The following ANO3 variants were observed in gnomAD, a reference collection of about 807,000 sequenced individuals.
ANO3 encodes the protein anoctamin-3.
ANO3 carries 99 observed loss-of-function variants against 144.8 expected under a neutral mutation model. The observed-to-expected ratio is 0.68, with a 90% CI of 0.58 to 0.81. The LOEUF (loss-of-function observed/expected upper bound fraction) is 0.81. ANO3 is among the 30% of genes least tolerant of loss of function. The pLI, the probability that ANO3 is intolerant of heterozygous loss-of-function variation, is 0.00. For synonymous variants in ANO3, 414 were observed against 392.6 expected (o/e 1.05, Z -0.64); for missense variants, 905 against 1,202.2 (o/e 0.75, Z 3.66).
chr11:26,190,054 G>A (rs1851445916), intron 1 of ANO3, among the ~76,000 whole-genome samples: 1 of 152,056 alleles, frequency 6.6e-6, no homozygotes, highest in African/African-American at 2.4e-5. Flanking sequence ...TTTGCCTGAT[G>A]GATATTTTAA....
At chr11:26,472,009 C>A (rs1361173422) in intron 4 of ANO3, among the ~76,000 whole-genome samples, 1 of 151,628 alleles carries the variant, frequency 6.6e-6, no homozygotes, top group African/African-American at 2.4e-5. Flanking sequence ...AACTTCTCTG[C>A]AAAAAAAGTA....
At chr11:26,643,407 G>T in intron 23 of ANO3, 73 bp downstream of exon 23, 2 of 1,553,298 alleles carry the variant, frequency 1.3e-6, no homozygotes, top group Non-Finnish European at 1.8e-6. Context: ...TGTGCCCCCA[G>T]ATTCATATGT....
chr11:26,405,774 G>A (rs1857261131), intron 1 of ANO3, among the ~76,000 whole-genome samples: 1 of 151,890 alleles, frequency 6.6e-6, no homozygotes, highest in Non-Finnish European at 1.5e-5. Context: ...ATGAGTGTGT[G>A]TATTACAAAT....
intron 4 of ANO3, chr11:26,473,975 A>G (rs1565046426): frequency 1.0e-6 from 1 of 985,080 alleles, no homozygotes; most frequent in Non-Finnish European, 1.2e-6. Context: ...TGTAGCACTC[A>G]GTATGTAACA....
chr11:26,512,270 C>G (rs1861694474), intron 5 of ANO3, among the ~76,000 whole-genome samples: 1 of 152,186 alleles, frequency 6.6e-6, no homozygotes, highest in African/African-American at 2.4e-5. Flanking sequence ...GTTTTCCCTT[C>G]TCTCAAGAGT....
At chr11:26,568,295 A>G (rs1316555438) in intron 14 of ANO3, among the ~76,000 whole-genome samples, 1 of 152,060 alleles carries the variant, frequency 6.6e-6, no homozygotes, top group African/African-American at 2.4e-5. Context: ...TAAGTGGGAC[A>G]TAAATAATGT....
At position 26,638,601 on chromosome 11, in the gene ANO3, G is replaced by A. The variant is rs150636411; in HGVS notation, c.2044-543G>A. On this transcript the variant is annotated intron_variant, in intron 20 of 26. Transcript: ENST00000256737. Reference sequence around the variant, plus strand: ...TGGTGAAATCCAAAGAGAGCTTTGCGTTTAGCTAATTGTAATCTACTAATA... The same window carrying A: ...TGGTGAAATCCAAAGAGAGCTTTGCATTTAGCTAATTGTAATCTACTAATA... Among the ~76,000 whole-genome samples the A allele has an allele frequency of 8.0e-4, 122 of 152,302 alleles. 1 individual carries two copies. The highest frequency in any genetic ancestry group is 2.5e-3 in the African/African-American group (103 of 41,568).
chr11:26,199,672 C>T (rs1003417069), intron 1 of ANO3, among the ~76,000 whole-genome samples: 3 of 152,154 alleles, frequency 2.0e-5, no homozygotes, highest in African/African-American at 7.2e-5. Context: ...ACTTAAGGGG[C>T]AAATGCCCAT....
chr11:26,413,691 TTTC>T (rs1857493071), intron 1 of ANO3, among the ~76,000 whole-genome samples: 1 of 152,040 alleles, frequency 6.6e-6, no homozygotes, highest in African/African-American at 2.4e-5. Context: ...ATCCTTGCGT[TTTC>T]TTATTTCTAA....
chr11:26,651,358 T>C lies in ANO3; in HGVS notation c.2576+3502T>C, dbSNP rs560762044. Among the ~76,000 whole-genome samples the C allele has an allele frequency of 5.9e-5, 9 of 152,230 alleles. No homozygotes were observed. In the South Asian group the frequency reaches 1.9e-3, roughly 32 times the overall value. ...GCTTTGACGGAATGTCAATGAAAAA[T>C]ATCCACAATTGTTTCAAATACTATT... is the stretch of plus-strand genomic sequence containing the variant. On this transcript the variant is annotated intron_variant, in intron 24 of 26. Coordinates refer to ENST00000256737, the MANE Select transcript of ANO3 (RefSeq NM_031418.4).
At chr11:26,276,360 T>G (rs1200172449) in intron 1 of ANO3, among the ~76,000 whole-genome samples, 1 of 152,134 alleles carries the variant, frequency 6.6e-6, no homozygotes, top group African/African-American at 2.4e-5. Flanking sequence ...CAGGTGAGTC[T>G]GAATCAGGGC....
intron 1 of ANO3, among the ~76,000 whole-genome samples, chr11:26,217,843 G>A (rs11603001): frequency 0.3 from 45,664 of 151,522 alleles, 7,553 homozygotes; most frequent in Non-Finnish European, 0.37. Context: ...TTGTTGTTGT[G>A]TTGTGTTTTT....
chr11:26,216,456 T>C (rs1173226964), intron 1 of ANO3, among the ~76,000 whole-genome samples: 1 of 152,010 alleles, frequency 6.6e-6, no homozygotes, highest in Admixed American at 6.6e-5. Flanking sequence ...TGATAGCTCA[T>C]TACATTTTAT....
intron 17 of ANO3, among the ~76,000 whole-genome samples, chr11:26,624,081 C>T (rs745572257): frequency 1.3e-5 from 2 of 152,158 alleles, no homozygotes; most frequent in Non-Finnish European, 2.9e-5. Flanking sequence ...CCACCGCGCC[C>T]GGCCAAAAAA....
intron 1 of ANO3, among the ~76,000 whole-genome samples, chr11:26,375,789 AT>A (rs1856389749): frequency 6.6e-6 from 1 of 152,176 alleles, no homozygotes; most frequent in Admixed American, 6.6e-5. Context: ...AGAAGTATAG[AT>A]TATTTTTGGC....
chr11:26,629,422 T>TAC (rs1852699095), intron 18 of ANO3, among the ~76,000 whole-genome samples: 1 of 141,864 alleles, frequency 7.0e-6, no homozygotes, highest in Non-Finnish European at 1.6e-5. Flanking sequence ...ATCTATCTAC[T>TAC]TTCTTTACAA....
intron 14 of ANO3, among the ~76,000 whole-genome samples, chr11:26,568,583 C>T (rs1336472119): frequency 6.6e-6 from 1 of 151,834 alleles, no homozygotes; most frequent in Non-Finnish European, 1.5e-5. Flanking sequence ...TCAAAGGACC[C>T]ATTAAATACA....
At chr11:26,620,480 T>G (rs1852383015) in intron 17 of ANO3, among the ~76,000 whole-genome samples, 1 of 151,706 alleles carries the variant, frequency 6.6e-6, no homozygotes, top group South Asian at 2.1e-4. Flanking sequence ...TAAATTAAAT[T>G]TATTAAAATT....
At chr11:26,351,493 T>C (rs994833290) in intron 1 of ANO3, among the ~76,000 whole-genome samples, 5 of 152,216 alleles carry the variant, frequency 3.3e-5, no homozygotes, top group Non-Finnish European at 2.9e-5. Flanking sequence ...ATACTATTTC[T>C]GTTTATTTAA....
Sources: allele counts gnomAD v4.1 joint callset (sites outside exome capture counted in the v4.1 genomes callset), GRCh38; gene constraint gnomAD v4.1.1; transcripts MANE v1.5; gene names NCBI Gene and HGNC (gene_info 2026-07-23, HGNC 2026-07-21).